GFPT1: variants seen among roughly 807,000 people sequenced by gnomAD.
GFPT1 encodes glutamine--fructose-6-phosphate transaminase 1, also known as glutamine--fructose-6-phosphate aminotransferase [isomerizing] 1.
GFPT1 carries 40 observed loss-of-function variants against 92.0 expected under a neutral mutation model. That is an observed-to-expected ratio of 0.43 (90% CI 0.34 to 0.57). The LOEUF is 0.57. Among genes scored for constraint, GFPT1 ranks in the 20% least tolerant of loss-of-function variants. GFPT1 has a pLI of 0.02. For missense variants in GFPT1, 448 were observed against 869.1 expected (o/e 0.52, Z 6.09); for synonymous variants, 269 against 280.6 (o/e 0.96, Z 0.41).
rs11464823 is a variant in GFPT1 at position 69,376,523 on chromosome 2, G to GAA, written c.8-2412_8-2411dup. Among the ~76,000 whole-genome samples, 69 of 144,864 alleles carry GAA rather than the reference G, an allele frequency of 4.8e-4. 1 individual carries two copies. Among genetic ancestry groups the GAA allele is most frequent in the South Asian group, 4.4e-3 (20 of 4,590 alleles). The stretch of plus-strand genomic sequence containing the variant: ...GACAGAGCGAGACTCCATCTCAAAA[G>GAA]AAAAAAAAAAAAGTGTGAAAAAAAC... On this transcript the variant is annotated intron_variant, in intron 1 of 19. Coordinates refer to ENST00000357308, the MANE Select transcript of GFPT1 (RefSeq NM_001244710.2).
At chr2:69,343,966 C>T (rs577010052) in intron 12 of GFPT1, among the ~76,000 whole-genome samples, 2 of 152,204 alleles carry the variant, frequency 1.3e-5, no homozygotes, top group South Asian at 4.1e-4. Context: ...GACCTGTCTC[C>T]TGCTTACTCT....
intron 4 of GFPT1, among the ~76,000 whole-genome samples, chr2:69,360,320 T>G (rs896017840): frequency 1.0e-4 from 14 of 138,014 alleles, no homozygotes; most frequent in Non-Finnish European, 2.0e-4. Context: ...CAGAGTGAGA[T>G]TCTGTCTCAA....
chr2:69,329,353 A>G lies in GFPT1; in HGVS notation c.1669T>C (p.Ser557Pro). Residue 557 changes from serine (S) to proline (P), a missense_variant, in exon 17 of 20, where the codon TCA becomes CCA. Ser to Pro is a moderately conservative substitution (Grantham distance 74). This residue lies in a region of GFPT1 where 73 missense variants were observed against 103.5 expected (regional missense o/e 0.71). Coordinates refer to ENST00000357308, the MANE Select transcript of GFPT1 (RefSeq NM_001244710.2). ...TAGCCTCGTCCCATTATCAGAACTG[A>G]CTTCTGATGATAAAGTTCTGTTGCT... ...KLATELYHQK[S>P]VLIMGRGYHY... 1 of 1,612,208 alleles carries G rather than the reference A, an allele frequency of 6.2e-7. No individual in the cohort carries two copies. The highest frequency in any genetic ancestry group is 8.5e-7 in the Non-Finnish European group (1 of 1,178,228).
rs1410517323 is a variant in GFPT1, at chr2:69,326,918, T to C, written c.2051A>G (p.Tyr684Cys). 5 of 1,614,070 alleles carry C rather than the reference T, an allele frequency of 3.1e-6. No individual in the cohort carries two copies. The highest frequency in any genetic ancestry group is 2.2e-5 in the East Asian group (1 of 44,906). The change falls in exon 19 of 20, where the codon TAT (tyrosine) becomes TGT (cysteine). Residue 684 changes from tyrosine (Y) to cysteine (C), a missense_variant. Around this residue, in one of 7 missense-constraint regions of GFPT1, gnomAD observed 55 missense variants for 98.8 expected, o/e 0.56. Coordinates refer to ENST00000357308, the MANE Select transcript of GFPT1 (RefSeq NM_001244710.2). ...CTGCAGTGGTAGATGACTTACATCA[T>C]AGCCTCTCAGCACAGCAAGGTGGAA... ...LAFHLAVLRG[Y>C]DVDFPRNLAK...
intron 16 of GFPT1, 68 bp downstream of exon 16, chr2:69,329,616 A>G (rs780944585): frequency 9.1e-7 from 1 of 1,101,544 alleles, no homozygotes; most frequent in Non-Finnish European, 1.4e-6. Context: ...AGCTTCAAGG[A>G]TAAGAGAATT....
chr2:69,342,619 G>A (rs1670979625), intron 12 of GFPT1, among the ~76,000 whole-genome samples: 1 of 152,166 alleles, frequency 6.6e-6, no homozygotes, highest in South Asian at 2.1e-4. Context: ...CTGGAGGAGG[G>A]GTTGACAACA....
intron 15 of GFPT1, among the ~76,000 whole-genome samples, chr2:69,335,072 T>C (rs1235327029): frequency 6.6e-6 from 1 of 152,130 alleles, no homozygotes; most frequent in Non-Finnish European, 1.5e-5. Context: ...AGTGGTGTGA[T>C]CATGGCTCAC....
chr2:69,354,544 A>G lies in GFPT1; in HGVS notation c.630T>C (p.Gly210=). The G allele has an allele frequency of 1.2e-6, 2 of 1,610,444 alleles. No individual in the cohort carries two copies. Among genetic ancestry groups the G allele is most frequent in the Non-Finnish European group, 1.7e-6 (2 of 1,176,662 alleles). The change falls in exon 8 of 20, where the codon GGT becomes GGC. Residue 210 remains glycine (G), a synonymous_variant. Transcript: ENST00000357308. ...TAGAAAGTTTATGTTCACTCCGTACACCAATCAACAGAGGGCTACCTCGCC... is the reference window on the plus strand; with the variant it reads ...TAGAAAGTTTATGTTCACTCCGTACGCCAATCAACAGAGGGCTACCTCGCC... The part of the protein sequence containing the change: ...GTRRGSPLLI[G]VRSEHKLSTD...
chr2:69,362,299 G>A (rs115648957), intron 4 of GFPT1, among the ~76,000 whole-genome samples: 1,798 of 152,098 alleles, frequency 0.012, 32 homozygotes, highest in African/African-American at 0.041. Flanking sequence ...GCTAATTTTT[G>A]TATTTTCTGT....
chr2:69,329,739 C>T lies in GFPT1; in HGVS notation c.1542G>A (p.Arg514=), dbSNP rs767370476. The change falls in exon 16 of 20, where the codon CGG becomes CGA. Residue 514 remains arginine, a synonymous_variant. Coordinates refer to ENST00000357308, the MANE Select transcript of GFPT1 (RefSeq NM_001244710.2). ...VMFALMMCDD[R]ISMQERRKEI... is the part of the protein sequence containing the mutation. ...CTTTGCGTCTTTCTTGCATGGAGAT[C>T]CGATCATCACACATCATAAGGGCAA... The T allele has an allele frequency of 3.1e-6, 5 of 1,613,600 alleles. No homozygotes were observed. In the South Asian group the frequency reaches 5.5e-5, roughly 18 times the overall value.
At position 69,337,927 on chromosome 2, in the gene GFPT1, C is replaced by T; in HGVS notation, c.1453G>A (p.Gly485Ser). The change falls in exon 15 of 20, where the codon GGT becomes AGT. Residue 485 changes from glycine to serine, a missense_variant. Gly to Ser is a moderately conservative substitution (Grantham distance 56). Transcript: ENST00000357308. ...GTACTGGCCACACCAATCTCAGGAC[C>T]AGCATTAATATGAACTCCACAATCT... ...ETDCGVHINA[G>S]PEIGVASTKA... 1 of 1,613,842 alleles carries T rather than the reference C, an allele frequency of 6.2e-7. No individual in the cohort carries two copies. Among genetic ancestry groups the T allele is most frequent in the Non-Finnish European group, 8.5e-7 (1 of 1,179,794 alleles).
intron 1 of GFPT1, among the ~76,000 whole-genome samples, chr2:69,376,379 C>T (rs559460133): frequency 7.0e-4 from 107 of 152,234 alleles, no homozygotes; most frequent in African/African-American, 2.5e-3. Flanking sequence ...GGCATGGTGG[C>T]GTGCACCTGT....
chr2:69,374,161 A>G, intron 1 of GFPT1, 48 bp from the exon 2 acceptor site: 1 of 899,910 alleles, frequency 1.1e-6, no homozygotes, highest in Non-Finnish European at 1.8e-6. Flanking sequence ...TAAAAAATCA[A>G]AATTAGCATA....
At chr2:69,327,100 C>T in intron 18 of GFPT1, 25 bp from the exon 19 acceptor site, 1 of 1,611,034 alleles carries the variant, frequency 6.2e-7, no homozygotes, top group Non-Finnish European at 8.5e-7. Flanking sequence ...CACACACATA[C>T]ACAACATCAC....
intron 1 of GFPT1, among the ~76,000 whole-genome samples, chr2:69,377,935 C>A (rs1574089083): frequency 1.3e-5 from 2 of 152,240 alleles, no homozygotes; most frequent in South Asian, 4.1e-4. Context: ...CACAATGATG[C>A]TTGTTAGAGC....
intron 2 of GFPT1, among the ~76,000 whole-genome samples, chr2:69,370,512 A>G (rs543976078): frequency 1.8e-4 from 27 of 152,226 alleles, no homozygotes; most frequent in Non-Finnish European, 3.8e-4. Context: ...TTGCTAAGGA[A>G]TTTGAAAAAG....
At chr2:69,386,531 A>G (rs1291054889) in intron 1 of GFPT1, among the ~76,000 whole-genome samples, 5 of 152,254 alleles carry the variant, frequency 3.3e-5, no homozygotes, top group Non-Finnish European at 7.3e-5. Context: ...GTTTCTGTTG[A>G]GACAAGGGAT....
At chr2:69,333,580 T>C (rs1243588156) in intron 15 of GFPT1, among the ~76,000 whole-genome samples, 1 of 152,242 alleles carries the variant, frequency 6.6e-6, no homozygotes, top group Non-Finnish European at 1.5e-5. Context: ...TTTTTCTTTT[T>C]GTTCAGCCAA....
Position 69,336,353 on chromosome 2 carries a change from A to AG in GFPT1, c.1482+1544_1482+1545insC, listed in dbSNP as rs1332148270. Among the ~76,000 whole-genome samples, 632 of 149,428 alleles carry AG rather than the reference A, an allele frequency of 4.2e-3. 12 individuals carry two copies. The highest frequency in any genetic ancestry group is 0.011 in the Admixed American group (170 of 14,880). ...GAGTCTGTCTCCAAAAAAAAAAAAAAAAAGAAAAAGAAAAAGAAAAGAAGA... is the reference window on the plus strand; with the variant it reads ...GAGTCTGTCTCCAAAAAAAAAAAAAAGAAAGAAAAAGAAAAAGAAAAGAAGA... On this transcript the variant is annotated intron_variant, in intron 15 of 19. Coordinates refer to ENST00000357308, the MANE Select transcript of GFPT1 (RefSeq NM_001244710.2).
Sources: gnomAD v4.1 joint callset for allele counts (sites outside exome capture counted in the v4.1 genomes callset) on GRCh38, gnomAD v4.1.1 for gene constraint, gnomAD v4.1.1 regional missense constraint, MANE v1.5 for transcripts, NCBI Gene and HGNC (gene_info 2026-07-23, HGNC 2026-07-21) for gene names.